The following PAIP1 variants were observed in gnomAD, a reference collection of about 807,000 sequenced individuals.
The protein encoded by PAIP1 is polyadenylate-binding protein-interacting protein 1.
PAIP1 carries 16 observed loss-of-function variants against 61.3 expected under a neutral mutation model. The ratio of observed to expected loss-of-function variants is 0.26; its 90% CI spans 0.18 to 0.40. PAIP1 has a LOEUF of 0.40. Among genes scored for constraint, PAIP1 ranks in the 10% least tolerant of loss-of-function variants. PAIP1 has a pLI of 1.00. For missense variants in PAIP1, 416 were observed against 600.9 expected, an observed-to-expected ratio of 0.69 and a Z score of 3.22; for synonymous variants, 187 against 226.2, an observed-to-expected ratio of 0.83 and a Z score of 1.56.
intron 4 of PAIP1, among the ~76,000 whole-genome samples, chr5:43,541,184 G>A (rs1247397793): frequency 7.3e-6 from 1 of 136,466 alleles, no homozygotes; most frequent in African/African-American, 2.8e-5. Flanking sequence ...GAGTGCAGTG[G>A]CGCGATCTCT....
At chr5:43,540,802 C>G (rs145051281) in intron 4 of PAIP1, among the ~76,000 whole-genome samples, 1 of 152,302 alleles carries the variant, frequency 6.6e-6, no homozygotes, top group East Asian at 1.9e-4. Context: ...CATAGCTATA[C>G]AGTAGAATCA....
intron 2 of PAIP1, among the ~76,000 whole-genome samples, chr5:43,548,396 A>G (rs963886145): frequency 4.6e-5 from 2 of 43,860 alleles, no homozygotes; most frequent in Non-Finnish European, 6.2e-5. Flanking sequence ...TTTATTGGGG[A>G]AAAAAAAAAC....
chr5:43,556,534 G>T, intron 1 of PAIP1, 48 bp downstream of exon 1: 1 of 1,240,078 alleles, frequency 8.1e-7, no homozygotes. Context: ...GAGGGCCGTG[G>T]GGAAGCGTTC....
rs559245972 is a variant in PAIP1 at position 43,556,872 on chromosome 5, C to T, written c.-26G>A. The T allele has an allele frequency of 2.2e-6, 3 of 1,391,498 alleles. No homozygotes were observed. Among genetic ancestry groups the T allele is most frequent in the South Asian group, 3.2e-5 (2 of 61,998 alleles). The allele number at this position is 1,391,498 out of a possible 1,614,324, so 86.2% of individuals were successfully genotyped here. ...GCTCCTCCTCCTCCGCCTCCTCCTC[C>T]AGGGGCCGCTGCCGCTGCGCTCGCG... On this transcript the variant is annotated 5_prime_UTR_variant, in exon 1 of 11. Transcript: ENST00000306846.
Position 43,556,835 on chromosome 5 carries a change from AC to A in PAIP1, c.11del (p.Gly4ValfsTer91). On this transcript the variant is annotated frameshift_variant, in exon 1 of 11. Transcript: ENST00000306846. LOFTEE classifies it high-confidence loss of function. ...GACCAGCACCTGGGGCCCGATCGAA[AC>A]CGTCCGACATGCTCCTCCTCCTCCG... MSDGFDRAPGAGRG... is the reference protein window; with the variant it reads MSDXFDRAPGAGRG... 1 of 1,445,288 alleles carries A rather than the reference AC, an allele frequency of 6.9e-7. No homozygotes were observed. Among genetic ancestry groups the A allele is most frequent in the South Asian group, 1.4e-5 (1 of 72,320 alleles). 89.5% of individuals were successfully genotyped at this position (1,445,288 alleles called of 1,614,324 possible). A position where few individuals can be genotyped will look rare whatever the true frequency, so the allele number is the denominator to read the frequency against.
intron 10 of PAIP1, among the ~76,000 whole-genome samples, chr5:43,528,993 T>C (rs986821183): frequency 4.6e-5 from 7 of 152,122 alleles, no homozygotes; most frequent in African/African-American, 9.6e-5. Flanking sequence ...ATAATTAACA[T>C]CTTCTTATCA....
intron 7 of PAIP1, among the ~76,000 whole-genome samples, chr5:43,535,319 A>C (rs1747098991): frequency 6.6e-6 from 1 of 152,214 alleles, no homozygotes; most frequent in African/African-American, 2.4e-5. Flanking sequence ...TCAATTTCTA[A>C]ATGTAATTGA....
intron 1 of PAIP1, 114 bp from the exon 2 acceptor site, chr5:43,556,113 C>A (rs2111613447): frequency 2.1e-6 from 3 of 1,455,688 alleles, no homozygotes; most frequent in South Asian, 1.4e-5. Flanking sequence ...AAACAGGAAC[C>A]ATCATGAAAT....
At chr5:43,531,885 T>A (rs1359175725) in intron 9 of PAIP1, among the ~76,000 whole-genome samples, 1 of 151,878 alleles carries the variant, frequency 6.6e-6, no homozygotes, top group Non-Finnish European at 1.5e-5. Flanking sequence ...GGGTTATAAT[T>A]AAGAGATAAA....
intron 8 of PAIP1, among the ~76,000 whole-genome samples, chr5:43,534,093 C>T (rs1040955234): frequency 1.3e-5 from 2 of 152,192 alleles, no homozygotes; most frequent in Non-Finnish European, 2.9e-5. Flanking sequence ...TCCAACCCCA[C>T]CATTTCTTTT....
intron 3 of PAIP1, among the ~76,000 whole-genome samples, chr5:43,546,019 C>T (rs1049086000): frequency 1.2e-4 from 19 of 152,038 alleles, no homozygotes; most frequent in African/African-American, 2.7e-4. Context: ...GTGATCCACC[C>T]GCCTCGGCCT....
At position 43,547,756 on chromosome 5, in the gene PAIP1, T is replaced by C; in HGVS notation, c.593A>G (p.Gln198Arg). The C allele has an allele frequency of 6.2e-7, 1 of 1,610,186 alleles. No individual in the cohort carries two copies. The highest frequency in any genetic ancestry group is 8.5e-7 in the Non-Finnish European group (1 of 1,179,226). The change falls in exon 3 of 11, where the codon CAA becomes CGA. Residue 198 changes from glutamine to arginine, a missense_variant. Physicochemically the swap from Gln to Arg is conservative, Grantham distance 43. Transcript: ENST00000306846. ...NGCVTTDDAL[Q>R]ELVELIYQQA... The stretch of plus-strand genomic sequence containing the variant: ...TTGATAGATGAGTTCCACAAGTTCT[T>C]GCAAAGCATCATCTGTTGTAACACA...
intron 2 of PAIP1, among the ~76,000 whole-genome samples, chr5:43,549,026 C>T (rs1045338033): frequency 3.9e-5 from 6 of 152,092 alleles, no homozygotes; most frequent in African/African-American, 9.7e-5. Flanking sequence ...CTGCAACCTC[C>T]GCCTCCCGGG....
intron 4 of PAIP1, among the ~76,000 whole-genome samples, chr5:43,541,642 A>C (rs1430176774): frequency 2.4e-5 from 3 of 126,054 alleles, no homozygotes; most frequent in African/African-American, 9.5e-5. Context: ...GTTCCACTGC[A>C]GTTTAACCAC....
At chr5:43,546,832 C>CA (rs1201068393) in intron 3 of PAIP1, among the ~76,000 whole-genome samples, 2 of 151,872 alleles carry the variant, frequency 1.3e-5, no homozygotes, top group African/African-American at 4.8e-5. Context: ...CACTTGCGGT[C>CA]AGGAGTTCGA....
At chr5:43,543,156 T>G in intron 3 of PAIP1, 40 bp from the exon 4 acceptor site, 1 of 1,000,676 alleles carries the variant, frequency 1.0e-6, no homozygotes, top group South Asian at 1.4e-5. Flanking sequence ...CATAGGTACA[T>G]CATTATTAAT....
chr5:43,550,006 G>A lies in PAIP1; in HGVS notation c.436-2093C>T, dbSNP rs903521674. Among the ~76,000 whole-genome samples the A allele has an allele frequency of 4.0e-5, 6 of 151,046 alleles. 1 individual carries two copies. Among genetic ancestry groups the A allele is most frequent in the African/African-American group, 1.5e-4 (6 of 41,284 alleles). The stretch of plus-strand genomic sequence containing the variant: ...CCCAAAGCGCTGGGATTACAGGCGA[G>A]AGCCACCATGCCCGGCCTATGTATC... On this transcript the variant is annotated intron_variant, in intron 2 of 10. Transcript: ENST00000306846.
rs1746714820 is a variant in PAIP1, at chr5:43,526,454, A to G, written c.*922T>C. On this transcript the variant is annotated 3_prime_UTR_variant, in exon 11 of 11. Coordinates refer to ENST00000306846, the MANE Select transcript of PAIP1 (RefSeq NM_006451.5). ...AGCAATCCTTTTGTACACAGTTTTT[A>G]GTTAGCTGGAAAAAGATTTGACATT... is the stretch of plus-strand genomic sequence containing the variant. 6.6e-6 allele frequency: 1 copy of G among 152,298 alleles called. No individual in the cohort carries two copies. Among genetic ancestry groups the G allele is most frequent in the Non-Finnish European group, 1.5e-5 (1 of 67,958 alleles). The allele number at this position is 152,298 out of a possible 1,614,324, so 9.4% of individuals were successfully genotyped here.
chr5:43,544,171 A>G (rs1747538816), intron 3 of PAIP1, among the ~76,000 whole-genome samples: 1 of 148,068 alleles, frequency 6.8e-6, no homozygotes, highest in African/African-American at 2.5e-5. Context: ...AAAAAAAAAA[A>G]AAGCTAAGGG....
Sources: gnomAD v4.1 joint callset for allele counts (sites outside exome capture counted in the v4.1 genomes callset) on GRCh38, gnomAD v4.1.1 for gene constraint, MANE v1.5 for transcripts, NCBI Gene and HGNC (gene_info 2026-07-23, HGNC 2026-07-21) for gene names.